The following TRPM7 variants were observed in gnomAD, a reference collection of about 807,000 sequenced individuals.
TRPM7 encodes transient receptor potential cation channel subfamily M member 7, also known as LTRPC ion channel family member 7.
In TRPM7, 134 loss-of-function variants were observed where a neutral mutation model predicts 229.7. The observed-to-expected ratio is 0.58, with a 90% CI of 0.51 to 0.67. The LOEUF is 0.67. Among genes scored for constraint, TRPM7 ranks in the 30% least tolerant of loss-of-function variants. TRPM7 has a pLI of 0.00. For synonymous variants in TRPM7, 699 were observed against 715.2 expected (o/e 0.98, Z 0.36); for missense variants, 1,901 against 2,210.0 (o/e 0.86, Z 2.80).
chr15:50,578,573 T>C, intron 31 of TRPM7, 66 bp downstream of exon 31: 4 of 1,461,692 alleles, frequency 2.7e-6, no homozygotes, highest in Non-Finnish European at 3.8e-6. Flanking sequence ...AATAATGTGG[T>C]GTTTGCTGTA....
chr15:50,682,508 G>A (rs962850552), intron 1 of TRPM7, among the ~76,000 whole-genome samples: 8 of 151,528 alleles, frequency 5.3e-5, no homozygotes, highest in Admixed American at 3.3e-4. Context: ...TCCAGGAGGC[G>A]GAGGTTGCAG....
At chr15:50,583,223 CA>C in intron 28 of TRPM7, 64 bp from the exon 29 acceptor site, 11 of 1,185,026 alleles carry the variant, frequency 9.3e-6, no homozygotes, top group Non-Finnish European at 1.3e-5. Context: ...ACCAACTAAC[CA>C]AACACAAAGT....
intron 13 of TRPM7, 146 bp from the exon 14 acceptor site, chr15:50,614,409 A>T (rs2060154868): frequency 2.8e-6 from 2 of 706,574 alleles, no homozygotes; most frequent in East Asian, 5.9e-5. Context: ...TCACGCCTGT[A>T]ATCCCAACAT....
intron 1 of TRPM7, among the ~76,000 whole-genome samples, chr15:50,686,010 A>C (rs749935654): frequency 6.6e-6 from 1 of 152,250 alleles, no homozygotes; most frequent in Admixed American, 6.5e-5. Context: ...CCTGTAGAGT[A>C]TCCGCTGCAC....
At chr15:50,596,216 T>C (rs1375608901) in intron 23 of TRPM7, 39 bp downstream of exon 23, 7 of 1,347,668 alleles carry the variant, frequency 5.2e-6, no homozygotes. Context: ...AATTGCATAT[T>C]AAATCATCTT....
intron 30 of TRPM7, among the ~76,000 whole-genome samples, chr15:50,578,976 T>C (rs1343835550): frequency 1.3e-5 from 2 of 152,124 alleles, no homozygotes; most frequent in Non-Finnish European, 2.9e-5. Context: ...ATAACTTCTG[T>C]ATTCGTGGAG....
At position 50,560,825 on chromosome 15, in the gene TRPM7, A is replaced by G. The variant is rs369652291; in HGVS notation, c.*853T>C. The G allele has an allele frequency of 2.0e-5, 3 of 152,628 alleles. No homozygotes were observed. The highest frequency in any genetic ancestry group is 3.8e-4 in the East Asian group (2 of 5,204). 9.5% of individuals were successfully genotyped at this position (152,628 alleles called of 1,614,324 possible). ...AATAAAATCTTTGGAGAAGTTTGTA[A>G]GTTCTGGGTTGTTGCTATAGATACA... On this transcript the variant is annotated 3_prime_UTR_variant, in exon 39 of 39. Transcript: ENST00000646667.
chr15:50,672,459 T>C (rs184545944), intron 1 of TRPM7, among the ~76,000 whole-genome samples: 1 of 152,114 alleles, frequency 6.6e-6, no homozygotes, highest in African/African-American at 2.4e-5. Context: ...ACTCCATTCA[T>C]GTTATTGTCC....
In TRPM7 at chr15:50,686,722, G is replaced by C; in HGVS notation, c.-189C>G. On this transcript the variant is annotated 5_prime_UTR_variant, in exon 1 of 39. Transcript: ENST00000646667. ...AGCAGAAGCCGAGTCTTTCATAATTGTGCGACCAACTCCTCCGGGTGACTG... is the reference window on the plus strand; with the variant it reads ...AGCAGAAGCCGAGTCTTTCATAATTCTGCGACCAACTCCTCCGGGTGACTG... 4.2e-6 allele frequency: 3 copies of C among 721,578 alleles called. No individual in the cohort carries two copies. The highest frequency in any genetic ancestry group is 4.3e-6 in the Non-Finnish European group (2 of 466,532). 44.7% of individuals were successfully genotyped at this position (721,578 alleles called of 1,614,324 possible).
At chr15:50,635,818 A>C (rs1056603486) in intron 7 of TRPM7, among the ~76,000 whole-genome samples, 4 of 151,428 alleles carry the variant, frequency 2.6e-5, no homozygotes, top group African/African-American at 9.7e-5. Flanking sequence ...ATCTACCAAA[A>C]ATACAAAAAA....
At chr15:50,570,205 CATAA>C (rs2053808067) in intron 36 of TRPM7, 50 bp from the exon 37 acceptor site, 1 of 1,290,130 alleles carries the variant, frequency 7.8e-7, no homozygotes, top group Non-Finnish European at 1.1e-6. Context: ...ATATAATTGA[CATAA>C]ATACTGACAT....
intron 4 of TRPM7, among the ~76,000 whole-genome samples, chr15:50,643,998 C>G (rs919178039): frequency 6.6e-6 from 1 of 152,048 alleles, no homozygotes; most frequent in Non-Finnish European, 1.5e-5. Context: ...GAGGCAAATA[C>G]TGAATTATTT....
At chr15:50,573,970 T>C (rs944861508) in intron 36 of TRPM7, among the ~76,000 whole-genome samples, 2 of 151,600 alleles carry the variant, frequency 1.3e-5, no homozygotes, top group Non-Finnish European at 2.9e-5. Context: ...GGCAAGAGAA[T>C]TGCTTGAATC....
At chr15:50,565,673 T>C (rs1298637146) in intron 38 of TRPM7, among the ~76,000 whole-genome samples, 1 of 152,022 alleles carries the variant, frequency 6.6e-6, no homozygotes, top group Non-Finnish European at 1.5e-5. Context: ...AGTTAATCAA[T>C]AGAACTAATA....
At position 50,655,449 on chromosome 15, in the gene TRPM7, A is replaced by C. The variant is rs528100035; in HGVS notation, c.122+2332T>G. On this transcript the variant is annotated intron_variant, in intron 3 of 38. Coordinates refer to ENST00000646667, the MANE Select transcript of TRPM7 (RefSeq NM_017672.6). ...CTCCATCTCAAAGGAAAAAAAAAAC[A>C]AAAAAACAAAAAACCTTCTCAATCA... Among the ~76,000 whole-genome samples, 71 of 106,044 alleles carry C rather than the reference A, an allele frequency of 6.7e-4. 2 individuals are homozygous for C. Among genetic ancestry groups the C allele is most frequent in the African/African-American group, 1.6e-3 (52 of 31,552 alleles). The allele number at this position is 106,044 out of a possible 152,430, so 69.6% of individuals were successfully genotyped here. A position where few individuals can be genotyped will look rare whatever the true frequency, so the allele number is the denominator to read the frequency against.
At chr15:50,665,165 A>G (rs1346741707) in intron 1 of TRPM7, among the ~76,000 whole-genome samples, 1 of 152,064 alleles carries the variant, frequency 6.6e-6, no homozygotes, top group Non-Finnish European at 1.5e-5. Context: ...GTACTTTAGG[A>G]GGCCTCATGG....
intron 30 of TRPM7, 99 bp downstream of exon 30, chr15:50,580,773 CAT>C: frequency 1.9e-6 from 2 of 1,065,746 alleles, no homozygotes; most frequent in East Asian, 2.5e-5. Flanking sequence ...AATCATCACT[CAT>C]AAAGAAATGT....
At chr15:50,650,519 ACT>A (rs1243559564) in intron 3 of TRPM7, among the ~76,000 whole-genome samples, 6 of 151,852 alleles carry the variant, frequency 4.0e-5, no homozygotes, top group Admixed American at 2.6e-4. Context: ...ATATGGTGAA[ACT>A]CTGTCTCTCC....
At chr15:50,613,922 T>G in intron 14 of TRPM7, 81 bp from the exon 15 acceptor site, 1 of 1,495,058 alleles carries the variant, frequency 6.7e-7, no homozygotes, top group Non-Finnish European at 9.1e-7. Flanking sequence ...TTTATATATG[T>G]GTGCAAATGT....
Sources: allele counts gnomAD v4.1 joint callset (sites outside exome capture counted in the v4.1 genomes callset), GRCh38; gene constraint gnomAD v4.1.1; transcripts MANE v1.5; gene names NCBI Gene and HGNC (gene_info 2026-07-23, HGNC 2026-07-21).